The following CREBBP variants were observed in gnomAD, a reference collection of about 807,000 sequenced individuals.
CREBBP encodes the protein CREB-binding protein.
In CREBBP, 19 loss-of-function variants were observed where a neutral mutation model predicts 265.0. The observed-to-expected ratio is 0.07, with a 90% CI of 0.05 to 0.11. The LOEUF (loss-of-function observed/expected upper bound fraction) is 0.11. Ranked by LOEUF, CREBBP falls within the 10% of genes least tolerant of loss-of-function variation. The pLI is 1.00. For missense variants in CREBBP, 2,525 were observed against 3,219.0 expected (o/e 0.78, Z 5.22); for synonymous variants, 1,457 against 1,223.7 (o/e 1.19, Z -3.98).
At chr16:3,795,235 T>C (rs376878495) in intron 3 of CREBBP, among the ~76,000 whole-genome samples, 12 of 150,176 alleles carry the variant, frequency 8.0e-5, no homozygotes, top group East Asian at 3.9e-4. Flanking sequence ...GAAAATAGCC[T>C]CTTATGTTTA....
intron 3 of CREBBP, among the ~76,000 whole-genome samples, chr16:3,809,675 A>C (rs1247336939): frequency 3.9e-5 from 6 of 152,230 alleles, no homozygotes; most frequent in East Asian, 1.9e-4. Flanking sequence ...AGGTTATGTA[A>C]GATGCATCAG....
At chr16:3,865,678 G>A (rs1165063747) in intron 1 of CREBBP, among the ~76,000 whole-genome samples, 5 of 150,796 alleles carry the variant, frequency 3.3e-5, no homozygotes, top group African/African-American at 1.2e-4. Flanking sequence ...TTGATCTGTC[G>A]CCCAGGCTGG....
intron 1 of CREBBP, among the ~76,000 whole-genome samples, chr16:3,873,935 G>A (rs2055348911): frequency 6.6e-6 from 1 of 152,096 alleles, no homozygotes; most frequent in Non-Finnish European, 1.5e-5. Flanking sequence ...ATTTCCTGAG[G>A]GCCTACTATG....
At chr16:3,836,934 A>C (rs1195917774) in intron 2 of CREBBP, among the ~76,000 whole-genome samples, 2 of 152,252 alleles carry the variant, frequency 1.3e-5, no homozygotes, top group Non-Finnish European at 2.9e-5. Flanking sequence ...GGTGTAAACA[A>C]ATCAATGCAC....
intron 5 of CREBBP, among the ~76,000 whole-genome samples, chr16:3,784,043 T>G (rs1285130398): frequency 6.6e-6 from 1 of 152,172 alleles, no homozygotes; most frequent in Non-Finnish European, 1.5e-5. Flanking sequence ...TATTTTTGAG[T>G]TCCTTTCTAA....
Position 3,774,575 on chromosome 16 carries a change from C to G in CREBBP, c.2277G>C (p.Val759=). 1 of 1,614,184 alleles carries G rather than the reference C, an allele frequency of 6.2e-7. No individual in the cohort carries two copies. The highest frequency in any genetic ancestry group is 8.5e-7 in the Non-Finnish European group (1 of 1,180,040). Residue 759 remains valine (V), a synonymous_variant, in exon 12 of 31, where the codon GTG becomes GTC. Coordinates refer to ENST00000262367, the MANE Select transcript of CREBBP (RefSeq NM_004380.3). ...HSVQMNSMGS[V]PGMAISPSRM... ...AGCGAAAGAGAACACTTACCCCTGG[C>G]ACTGAGCCCATGCTGTTCATCTGGA...
intron 1 of CREBBP, among the ~76,000 whole-genome samples, chr16:3,878,879 GAATT>G (rs1333145604): frequency 2.0e-5 from 3 of 152,160 alleles, no homozygotes; most frequent in Non-Finnish European, 4.4e-5. Flanking sequence ...CAGAATTACT[GAATT>G]AATAGAAAAC....
chr16:3,737,155 T>C lies in CREBBP; in HGVS notation c.4395-340A>G, dbSNP rs146352943. Among the ~76,000 whole-genome samples the C allele has an allele frequency of 2.0e-5, 3 of 152,324 alleles. No individual in the cohort carries two copies. In the East Asian group the frequency reaches 5.8e-4, roughly 29 times the overall value. On this transcript the variant is annotated intron_variant, in intron 26 of 30. Transcript: ENST00000262367. ...TTCCTCCTGTGCACTGTAAAGGCAGTTCGGTTGACTATTTTTCTCCAAGGG... is the reference window on the plus strand; with the variant it reads ...TTCCTCCTGTGCACTGTAAAGGCAGCTCGGTTGACTATTTTTCTCCAAGGG...
At chr16:3,785,322 T>G (rs562130361) in intron 5 of CREBBP, among the ~76,000 whole-genome samples, 2 of 152,360 alleles carry the variant, frequency 1.3e-5, no homozygotes, top group African/African-American at 4.8e-5. Flanking sequence ...ACAGACTCAG[T>G]GAGTACACTC....
intron 3 of CREBBP, among the ~76,000 whole-genome samples, chr16:3,805,717 C>T (rs983171106): frequency 6.6e-6 from 1 of 152,138 alleles, no homozygotes; most frequent in African/African-American, 2.4e-5. Flanking sequence ...CTAAAGTGGA[C>T]ATGAAGACCA....
At chr16:3,787,977 C>T (rs1181491425) in intron 5 of CREBBP, among the ~76,000 whole-genome samples, 2 of 152,178 alleles carry the variant, frequency 1.3e-5, no homozygotes, top group African/African-American at 4.8e-5. Context: ...TGCGTCCGGC[C>T]AAAAGGAGGT....
intron 2 of CREBBP, among the ~76,000 whole-genome samples, chr16:3,838,118 G>C (rs116131782): frequency 0.011 from 1,738 of 152,272 alleles, 30 homozygotes; most frequent in African/African-American, 0.04. Context: ...GCAGGCATGG[G>C]ACTGAGTGTC....
chr16:3,777,015 C>A (rs1224347921), intron 11 of CREBBP, among the ~76,000 whole-genome samples: 1 of 147,646 alleles, frequency 6.8e-6, no homozygotes, highest in African/African-American at 2.5e-5. Context: ...AAGGCTCTGT[C>A]TCAAAAAAAT....
chr16:3,877,103 CCCCTCAGCT>C (rs1442161101), intron 1 of CREBBP, among the ~76,000 whole-genome samples: 1 of 152,190 alleles, frequency 6.6e-6, no homozygotes, highest in African/African-American at 2.4e-5. Flanking sequence ...CTCCTTTCAA[CCCCTCAGCT>C]CCTAGACAGA....
In CREBBP at chr16:3,873,979, G is replaced by T. The variant is rs145324388; in HGVS notation, c.85+5853C>A. On this transcript the variant is annotated intron_variant, in intron 1 of 30. Coordinates refer to ENST00000262367, the MANE Select transcript of CREBBP (RefSeq NM_004380.3). Reference sequence around the variant, plus strand: ...ACTGCCCCTGGGGAGGGAAGTGCTGGGAAGAGGGCCGTGGAAAGGCTCTGG... The same window carrying T: ...ACTGCCCCTGGGGAGGGAAGTGCTGTGAAGAGGGCCGTGGAAAGGCTCTGG... Among the ~76,000 whole-genome samples the T allele has an allele frequency of 1.1e-3, 175 of 152,308 alleles. 2 individuals are homozygous for T. Among genetic ancestry groups the T allele is most frequent in the East Asian group, 0.011 (55 of 5,186 alleles).
At chr16:3,761,558 C>G (rs758083186) in intron 16 of CREBBP, 11 of 518,766 alleles carry the variant, frequency 2.1e-5, no homozygotes, top group South Asian at 8.4e-5. Flanking sequence ...TCCATCAAAG[C>G]CCAGGATACA....
At chr16:3,791,014 A>G (rs1258044722) in intron 5 of CREBBP, among the ~76,000 whole-genome samples, 1 of 152,192 alleles carries the variant, frequency 6.6e-6, no homozygotes, top group Non-Finnish European at 1.5e-5. Context: ...ATGAACACGT[A>G]ATACACAAAA....
intron 1 of CREBBP, among the ~76,000 whole-genome samples, chr16:3,857,558 T>C (rs1344807930): frequency 2.0e-5 from 3 of 152,080 alleles, no homozygotes; most frequent in Non-Finnish European, 2.9e-5. Flanking sequence ...TCCCAACACA[T>C]GGGTTAAGCA....
chr16:3,741,561 T>C (rs984997220), intron 23 of CREBBP: 2 of 151,376 alleles, frequency 1.3e-5, no homozygotes, highest in African/African-American at 2.4e-5. Context: ...TCCCAGCACT[T>C]TGGGAGGCCG....
Sources: allele counts gnomAD v4.1 joint callset (sites outside exome capture counted in the v4.1 genomes callset), GRCh38; gene constraint gnomAD v4.1.1; transcripts MANE v1.5; gene names NCBI Gene and HGNC (gene_info 2026-07-23, HGNC 2026-07-21).